MARCHF1: variants seen among roughly 807,000 people sequenced by gnomAD.
MARCHF1 encodes E3 ubiquitin-protein ligase MARCHF1.
MARCHF1 carries 40 observed loss-of-function variants against 54.2 expected under a neutral mutation model. The observed-to-expected ratio is 0.74, with a 90% CI of 0.57 to 0.96. The LOEUF (loss-of-function observed/expected upper bound fraction) is 0.96. MARCHF1 is among the 40% of genes least tolerant of loss of function. The pLI is 0.00. For missense variants in MARCHF1, 586 were observed against 656.5 expected, an observed-to-expected ratio of 0.89 and a Z score of 1.17; for synonymous variants, 236 against 236.3, an observed-to-expected ratio of 1.00 and a Z score of 0.01.
intron 4 of MARCHF1, among the ~76,000 whole-genome samples, chr4:163,736,923 T>A (rs763998754): frequency 5.9e-5 from 9 of 152,100 alleles, no homozygotes; most frequent in Non-Finnish European, 8.8e-5. Flanking sequence ...TCTCCCTTAA[T>A]ACTCCAAAGT....
chr4:163,637,986 G>T (rs199888742), intron 5 of MARCHF1, among the ~76,000 whole-genome samples: 3 of 147,818 alleles, frequency 2.0e-5, no homozygotes, highest in Admixed American at 6.8e-5. Flanking sequence ...GTAAACTATC[G>T]CAAGAACAAA....
chr4:163,818,592 C>A (rs1230781690), intron 4 of MARCHF1, among the ~76,000 whole-genome samples: 1 of 152,066 alleles, frequency 6.6e-6, no homozygotes, highest in Non-Finnish European at 1.5e-5. Context: ...GCCATCCTTG[C>A]CCTGAACCCA....
chr4:164,351,597 CA>C (rs1463238784), intron 1 of MARCHF1, among the ~76,000 whole-genome samples: 1 of 152,222 alleles, frequency 6.6e-6, no homozygotes, highest in South Asian at 2.1e-4. Flanking sequence ...ACATCCACAC[CA>C]AAAACCCATC....
chr4:164,051,031 C>T (rs1754354159), intron 2 of MARCHF1, among the ~76,000 whole-genome samples: 1 of 152,142 alleles, frequency 6.6e-6, no homozygotes, highest in African/African-American at 2.4e-5. Flanking sequence ...TTCCTACTTC[C>T]TCCCTTGCCC....
rs1755836289 is a variant in MARCHF1, at chr4:164,111,653, G to A, written c.-313C>T. ...GTATATTCTCTCAGAGTTCTTTTGG[G>A]GTACATTTCCTGAAACGAAAATTAA... On this transcript the variant is annotated 5_prime_UTR_variant, in exon 2 of 10. Coordinates refer to ENST00000514618, the MANE Select transcript of MARCHF1 (RefSeq NM_001394959.1). The A allele has an allele frequency of 6.6e-6, 1 of 151,574 alleles. No individual in the cohort carries two copies. 9.4% of individuals were successfully genotyped at this position (151,574 alleles called of 1,614,324 possible).
At chr4:164,067,268 G>A (rs1204470676) in intron 2 of MARCHF1, among the ~76,000 whole-genome samples, 2 of 151,906 alleles carry the variant, frequency 1.3e-5, no homozygotes, top group Non-Finnish European at 2.9e-5. Flanking sequence ...AACCAAAGAG[G>A]AGTCCAAATA....
At chr4:163,621,902 C>T (rs1741706990) in intron 5 of MARCHF1, among the ~76,000 whole-genome samples, 1 of 152,054 alleles carries the variant, frequency 6.6e-6, no homozygotes, top group South Asian at 2.1e-4. Context: ...CTTGTTCTTC[C>T]CTTCCTGGGA....
At chr4:163,867,584 T>C (rs891544388) in intron 3 of MARCHF1, among the ~76,000 whole-genome samples, 9 of 151,836 alleles carry the variant, frequency 5.9e-5, no homozygotes, top group African/African-American at 1.9e-4. Flanking sequence ...CAGGGACACT[T>C]TACCTGAAAA....
At position 164,163,335 on chromosome 4, in the gene MARCHF1, G is replaced by A. The variant is rs191124177; in HGVS notation, c.-322-51673C>T. Among the ~76,000 whole-genome samples, 27 of 152,024 alleles carry A rather than the reference G, an allele frequency of 1.8e-4. No individual in the cohort carries two copies. The East Asian group carries it at 3.9e-3, about 22-fold the overall frequency. ...CATACAAGTAAGATACAAAATAATT[G>A]GAGATAAAGTGATTGAAATTTCACT... On this transcript the variant is annotated intron_variant, in intron 1 of 9. Transcript: ENST00000514618.
At chr4:163,896,473 A>C (rs1444661678) in intron 3 of MARCHF1, among the ~76,000 whole-genome samples, 1 of 152,180 alleles carries the variant, frequency 6.6e-6, no homozygotes, top group Non-Finnish European at 1.5e-5. Context: ...ATTTCTCAGA[A>C]TCTAATGATA....
At chr4:163,976,919 C>A (rs927046130) in intron 3 of MARCHF1, among the ~76,000 whole-genome samples, 1 of 152,094 alleles carries the variant, frequency 6.6e-6, no homozygotes, top group Admixed American at 6.6e-5. Flanking sequence ...AAGCATCACA[C>A]TGTGCACTGT....
rs374259604 is a variant in MARCHF1 at position 164,184,707 on chromosome 4, A to G, written c.-322-73045T>C. Among the ~76,000 whole-genome samples the G allele has an allele frequency of 2.5e-3, 376 of 152,310 alleles. 4 individuals are homozygous for G. The highest frequency in any genetic ancestry group is 0.024 in the South Asian group (118 of 4,830). On this transcript the variant is annotated intron_variant, in intron 1 of 9. Transcript: ENST00000514618. ...CCCGTCAAGTAATGATCAACTCCCA[A>G]TGTTGACCTGACCATTTGAGATACA...
chr4:164,108,213 A>C (rs1260989651), intron 2 of MARCHF1, among the ~76,000 whole-genome samples: 1 of 152,108 alleles, frequency 6.6e-6, no homozygotes, highest in African/African-American at 2.4e-5. Context: ...CCCCACTATT[A>C]ATAAAATTCT....
chr4:163,600,189 T>C (rs979593142), intron 7 of MARCHF1, among the ~76,000 whole-genome samples: 2 of 151,978 alleles, frequency 1.3e-5, no homozygotes, highest in African/African-American at 4.8e-5. Context: ...TATATACATA[T>C]ATAAATTTAT....
chr4:164,058,208 C>T (rs962997523), intron 2 of MARCHF1, among the ~76,000 whole-genome samples: 6 of 152,102 alleles, frequency 3.9e-5, no homozygotes, highest in African/African-American at 1.4e-4. Flanking sequence ...CACCATGGCA[C>T]TTGTATACCT....
chr4:164,047,463 T>A (rs1485625977), intron 2 of MARCHF1, among the ~76,000 whole-genome samples: 3 of 152,194 alleles, frequency 2.0e-5, no homozygotes, highest in African/African-American at 7.2e-5. Context: ...GATCTGTGGA[T>A]TGTAAATGGG....
At chr4:163,653,813 G>A (rs1223602818) in intron 5 of MARCHF1, among the ~76,000 whole-genome samples, 1 of 148,716 alleles carries the variant, frequency 6.7e-6, no homozygotes, top group South Asian at 2.1e-4. Flanking sequence ...GTTTGAGATG[G>A]CTATTAGAAA....
At position 163,986,246 on chromosome 4, in the gene MARCHF1, C is replaced by CTTTTTTTTTTTTTTT. The variant is rs1752861022; in HGVS notation, c.-39+2254_-39+2255insAAAAAAAAAAAAAAA. On this transcript the variant is annotated intron_variant, in intron 3 of 9. Transcript: ENST00000514618. ...CCTTTCCTTTTCTCCTAATTAACCT[C>CTTTTTTTTTTTTTTT]TTCTTTTTTTTTTTTTTTTTTTTTT... Among the ~76,000 whole-genome samples, 34 of 73,760 alleles carry CTTTTTTTTTTTTTTT rather than the reference C, an allele frequency of 4.6e-4. 4 individuals are homozygous for CTTTTTTTTTTTTTTT. The highest frequency in any genetic ancestry group is 4.9e-4 in the Non-Finnish European group (18 of 36,402). The allele number at this position is 73,760 out of a possible 152,430, so 48.4% of individuals were successfully genotyped here.
chr4:163,808,540 G>A (rs1385039718), intron 4 of MARCHF1, among the ~76,000 whole-genome samples: 2 of 152,058 alleles, frequency 1.3e-5, no homozygotes, highest in African/African-American at 2.4e-5. Context: ...AATGTGAGGG[G>A]AAAGACACAT....
Sources: gnomAD v4.1 joint callset for allele counts (sites outside exome capture counted in the v4.1 genomes callset) on GRCh38, gnomAD v4.1.1 for gene constraint, MANE v1.5 for transcripts, NCBI Gene and HGNC (gene_info 2026-07-23, HGNC 2026-07-21) for gene names.